SLC2A8: variants seen among roughly 807,000 people sequenced by gnomAD.
SLC2A8 encodes the protein solute carrier family 2, facilitated glucose transporter member 8.
SLC2A8 carries 53 observed loss-of-function variants against 49.2 expected under a neutral mutation model. That is an observed-to-expected ratio of 1.08 (90% CI 0.86 to 1.35). SLC2A8 has a LOEUF of 1.35. Ranked by LOEUF, SLC2A8 falls within the 40% of genes most tolerant of loss-of-function variation. SLC2A8 has a pLI of 0.00. For synonymous variants in SLC2A8, 299 were observed against 297.0 expected (o/e 1.01, Z -0.07); for missense variants, 688 against 671.7 (o/e 1.02, Z -0.27).
chr9:127,403,464 C>T, intron 5 of SLC2A8, 196 bp from the exon 6 acceptor site: 1 of 626,804 alleles, frequency 1.6e-6, no homozygotes, highest in Non-Finnish European at 2.8e-6. Flanking sequence ...GTGCCCTGGG[C>T]AGGTGAGGGT....
At chr9:127,406,126 G>A in intron 9 of SLC2A8, 1 of 509,576 alleles carries the variant, frequency 2.0e-6, no homozygotes, top group Non-Finnish European at 3.9e-6. Flanking sequence ...AGATGATCTG[G>A]TTGTTTGTTC....
chr9:127,398,245 G>T, intron 3 of SLC2A8, 134 bp downstream of exon 3: 2 of 930,434 alleles, frequency 2.1e-6, no homozygotes, highest in South Asian at 2.6e-5. Context: ...AAGTCCCTGC[G>T]TTATCTCGCG....
chr9:127,402,606 C>T lies in SLC2A8; in HGVS notation c.576C>T (p.Pro192=). ...RWLAVLGCVP[P]SLMLLLMCFM... is the part of the protein sequence containing the mutation. ...TGGCTGTGCTGGGCTGCGTGCCCCCCTCCCTCATGCTGCTTCTCATGTGCT... is the reference window on the plus strand; with the variant it reads ...TGGCTGTGCTGGGCTGCGTGCCCCCTTCCCTCATGCTGCTTCTCATGTGCT... Residue 192 remains proline, a synonymous_variant, in exon 5 of 10, where the codon CCC becomes CCT. Transcript: ENST00000373371. 1.3e-6 allele frequency: 2 copies of T among 1,595,380 alleles called. No homozygotes were observed. The highest frequency in any genetic ancestry group is 1.7e-6 in the Non-Finnish European group (2 of 1,173,876).
chr9:127,404,791 C>A, intron 7 of SLC2A8, 27 bp from the exon 8 acceptor site: 2 of 1,598,808 alleles, frequency 1.3e-6, no homozygotes, highest in South Asian at 2.2e-5. Context: ...CCGGGTGCCC[C>A]GCCCACTGCC....
Position 127,403,910 on chromosome 9 carries a change from C to T in SLC2A8, c.868-49C>T, listed in dbSNP as rs559150995. 5.0e-6 allele frequency: 8 copies of T among 1,601,908 alleles called. No homozygotes were observed. The Admixed American group carries it at 1.2e-4, about 24-fold the overall frequency. On this transcript the variant is annotated intron_variant, in intron 6 of 9. Transcript: ENST00000373371. ...AGCACAGGCCTGGAGAGGGAGGGAC[C>T]CAGCTCTCAGCTGGCCCACCTGACC...
chr9:127,398,122 C>T lies in SLC2A8; in HGVS notation c.426+11C>T, dbSNP rs1031320454. 7.6e-6 allele frequency: 12 copies of T among 1,569,284 alleles called. 1 individual carries two copies. The East Asian group carries it at 1.1e-4, about 15-fold the overall frequency. On this transcript the variant is annotated intron_variant, in intron 3 of 9. Coordinates refer to ENST00000373371, the MANE Select transcript of SLC2A8 (RefSeq NM_014580.5). ...TCCCTAGTGGCCCCGGTGAGTGTCC[C>T]GTCTCTCGAGTGTCCTGTCTCGCGG...
Position 127,404,910 on chromosome 9 carries a change from G to C in SLC2A8, c.1069G>C (p.Ala357Pro). ...PGNSSHVAIS[A>P]PVSAQPVDAS... is the part of the protein sequence containing the mutation. ...CAACTCCTCGCACGTGGCCATCTCG[G>C]CGCCTGTCTCTGCACAGCCTGTTGA... The change falls in exon 8 of 10, where the codon GCG (alanine) becomes CCG (proline). Residue 357 changes from alanine to proline, a missense_variant. By Grantham distance (27) the Ala-to-Pro change is conservative. Coordinates refer to ENST00000373371, the MANE Select transcript of SLC2A8 (RefSeq NM_014580.5). 1.2e-6 allele frequency: 2 copies of C among 1,612,596 alleles called. No homozygotes were observed. Among genetic ancestry groups the C allele is most frequent in the South Asian group, 2.2e-5 (2 of 91,072 alleles).
In SLC2A8 at chr9:127,398,070, C is replaced by T; in HGVS notation, c.385C>T (p.Leu129Phe). Residue 129 changes from leucine to phenylalanine, a missense_variant, in exon 3 of 10, where the codon CTC becomes TTC. By Grantham distance (22) the Leu-to-Phe change is conservative. Coordinates refer to ENST00000373371, the MANE Select transcript of SLC2A8 (RefSeq NM_014580.5). ...GTGGATGCTGCTGGGGGGCCGCCTC[C>T]TCACCGGCCTGGCCTGCGGTGTTGC... The part of the protein sequence containing the change: ...DVWMLLGGRL[L>F]TGLACGVASL... 6.3e-7 allele frequency: 1 copy of T among 1,589,178 alleles called. No homozygotes were observed. Among genetic ancestry groups the T allele is most frequent in the East Asian group, 2.3e-5 (1 of 44,006 alleles).
chr9:127,407,638 T>C lies in SLC2A8; in HGVS notation c.*389T>C. 1 of 357,016 alleles carries C rather than the reference T, an allele frequency of 2.8e-6. No homozygotes were observed. Among genetic ancestry groups the C allele is most frequent in the South Asian group, 2.2e-5 (1 of 44,462 alleles). The allele number at this position is 357,016 out of a possible 1,614,324, so 22.1% of individuals were successfully genotyped here. A position where few individuals can be genotyped will look rare whatever the true frequency, so the allele number is the denominator to read the frequency against. On this transcript the variant is annotated 3_prime_UTR_variant, in exon 10 of 10. Coordinates refer to ENST00000373371, the MANE Select transcript of SLC2A8 (RefSeq NM_014580.5). ...GCTGCCTTATCGGGAAGGAAATTTG[T>C]TTGCCAAATAAAGACTGACACAGAA...
chr9:127,407,266 G>A lies in SLC2A8; in HGVS notation c.*17G>A. 6.2e-7 allele frequency: 1 copy of A among 1,612,790 alleles called. No individual in the cohort carries two copies. Among genetic ancestry groups the A allele is most frequent in the Non-Finnish European group, 8.5e-7 (1 of 1,179,918 alleles). On this transcript the variant is annotated 3_prime_UTR_variant, in exon 10 of 10. Coordinates refer to ENST00000373371, the MANE Select transcript of SLC2A8 (RefSeq NM_014580.5). ...GGGCGATGACAGCCACTCACTAGGG[G>A]ATGGAGCAAGCCTGTGACTCCAAGC...
intron 7 of SLC2A8, 132 bp from the exon 8 acceptor site, chr9:127,404,686 C>A: frequency 9.2e-7 from 1 of 1,088,990 alleles, no homozygotes; most frequent in African/African-American, 1.6e-5. Flanking sequence ...CTTCTGCGGC[C>A]AAGGTGCCAG....
intron 3 of SLC2A8, 193 bp downstream of exon 3, chr9:127,398,304 C>T: frequency 1.3e-6 from 1 of 787,000 alleles, no homozygotes; most frequent in East Asian, 2.4e-5. Context: ...CTCCATTTTA[C>T]ACTGAGGTCA....
At chr9:127,406,892 G>A (rs1397768666) in intron 9 of SLC2A8, among the ~76,000 whole-genome samples, 2 of 152,172 alleles carry the variant, frequency 1.3e-5, no homozygotes, top group Non-Finnish European at 2.9e-5. Flanking sequence ...CCAGCCATAC[G>A]ACCTCGGTAT....
chr9:127,403,829 T>G, intron 6 of SLC2A8, 26 bp downstream of exon 6: 1 of 1,609,068 alleles, frequency 6.2e-7, no homozygotes, highest in Non-Finnish European at 8.5e-7. Flanking sequence ...CTGGCCTGCC[T>G]CGTCCAGCCC....
At chr9:127,404,709 G>T in intron 7 of SLC2A8, 109 bp from the exon 8 acceptor site, 1 of 1,279,652 alleles carries the variant, frequency 7.8e-7, no homozygotes, top group South Asian at 1.5e-5. Context: ...CACCAAGCTG[G>T]CCGTTCTCTG....
At chr9:127,406,176 T>A in intron 9 of SLC2A8, 1 of 454,870 alleles carries the variant, frequency 2.2e-6, no homozygotes, top group South Asian at 1.6e-5. Flanking sequence ...ATGTGCCATG[T>A]CCAGGCCCAT....
chr9:127,403,739 A>T lies in SLC2A8; in HGVS notation c.803A>T (p.Gln268Leu). ...IIGVSLMAFQ[Q>L]LSGVNAVMFY... ...GGCGTCTCCCTGATGGCCTTCCAGCAGCTGTCGGGGGTCAACGCCGTCATG... is the reference window on the plus strand; with the variant it reads ...GGCGTCTCCCTGATGGCCTTCCAGCTGCTGTCGGGGGTCAACGCCGTCATG... The change falls in exon 6 of 10, where the codon CAG (glutamine) becomes CTG (leucine). Residue 268 changes from glutamine to leucine, a missense_variant. Transcript: ENST00000373371. 1 of 1,613,142 alleles carries T rather than the reference A, an allele frequency of 6.2e-7. No homozygotes were observed. The highest frequency in any genetic ancestry group is 8.5e-7 in the Non-Finnish European group (1 of 1,179,934).
chr9:127,405,827 C>T (rs1051357561), intron 9 of SLC2A8, among the ~76,000 whole-genome samples: 5 of 152,354 alleles, frequency 3.3e-5, no homozygotes, highest in East Asian at 1.9e-4. Context: ...CCTTAGTGAA[C>T]GTCAGGAAAG....
chr9:127,400,995 T>C (rs1252176034), intron 4 of SLC2A8, among the ~76,000 whole-genome samples: 1 of 152,210 alleles, frequency 6.6e-6, no homozygotes, highest in African/African-American at 2.4e-5. Flanking sequence ...CCTGGGGGGC[T>C]GAGGCACAAG....
Sources: allele counts gnomAD v4.1 joint callset (sites outside exome capture counted in the v4.1 genomes callset), GRCh38; gene constraint gnomAD v4.1.1; transcripts MANE v1.5; gene names NCBI Gene and HGNC (gene_info 2026-07-23, HGNC 2026-07-21).